PDE1C: variants seen among roughly 807,000 people sequenced by gnomAD.
PDE1C encodes phosphodiesterase 1C, also known as dual specificity calcium/calmodulin-dependent 3',5'-cyclic nucleotide phosphodiesterase 1C.
PDE1C carries 62 observed loss-of-function variants against 93.1 expected under a neutral mutation model. The ratio of observed to expected loss-of-function variants is 0.67; its 90% CI spans 0.54 to 0.82. The LOEUF is 0.82. PDE1C is among the 40% of genes least tolerant of loss of function. PDE1C has a pLI of 0.00. For missense variants in PDE1C, 742 were observed against 884.6 expected, an observed-to-expected ratio of 0.84 and a Z score of 2.04; for synonymous variants, 325 against 310.1, an observed-to-expected ratio of 1.05 and a Z score of -0.50.
At chr7:31,842,092 T>A (rs1434872941) in intron 9 of PDE1C, among the ~76,000 whole-genome samples, 1 of 152,112 alleles carries the variant, frequency 6.6e-6, no homozygotes, top group Non-Finnish European at 1.5e-5. Context: ...AACAACAGAA[T>A]AATGCTTGAC....
chr7:31,649,720 A>G, the PDE1C span, among the ~76,000 whole-genome samples: 2 of 152,168 alleles, frequency 1.3e-5, no homozygotes, highest in Non-Finnish European at 2.9e-5. Context: ...TGGGTCATGG[A>G]TTTCAAAGCA....
At chr7:31,708,897 C>T in the PDE1C span, among the ~76,000 whole-genome samples, 3 of 152,150 alleles carry the variant, frequency 2.0e-5, no homozygotes, top group Admixed American at 2.0e-4. Context: ...TGCTCTGCTC[C>T]CACTTCTGAT....
At chr7:31,879,239 C>G in intron 3 of PDE1C, 61 bp from the exon 4 acceptor site, 1 of 1,504,816 alleles carries the variant, frequency 6.6e-7, no homozygotes, top group African/African-American at 1.4e-5. Context: ...GCTCTCTGTT[C>G]AAAGCAGCTG....
the PDE1C span, chr7:31,651,369 A>G: frequency 7.5e-7 from 1 of 1,339,970 alleles, no homozygotes; most frequent in African/African-American, 1.5e-5. Flanking sequence ...GAGCAGAGCT[A>G]ATGAGAAACC....
intron 3 of PDE1C, among the ~76,000 whole-genome samples, chr7:32,131,434 T>TTGGA (rs1052310066): frequency 2.6e-5 from 4 of 152,094 alleles, no homozygotes; most frequent in African/African-American, 9.7e-5. Context: ...GGTTGATGGG[T>TTGGA]TGGATGGATG....
intron 2 of PDE1C, among the ~76,000 whole-genome samples, chr7:32,027,199 T>C (rs2128626661): frequency 6.6e-6 from 1 of 152,236 alleles, no homozygotes; most frequent in Admixed American, 6.5e-5. Flanking sequence ...GTAGGTTCAT[T>C]GATTGTAACA....
chr7:32,176,637 T>G (rs1356858828), intron 2 of PDE1C, among the ~76,000 whole-genome samples: 1 of 152,214 alleles, frequency 6.6e-6, no homozygotes, highest in African/African-American at 2.4e-5. Flanking sequence ...TTAAATATTT[T>G]ATGAATACAG....
chr7:31,908,339 C>T (rs1339294862), intron 2 of PDE1C, among the ~76,000 whole-genome samples: 1 of 152,070 alleles, frequency 6.6e-6, no homozygotes, highest in Non-Finnish European at 1.5e-5. Flanking sequence ...AATCTCAATG[C>T]CAAGTTTTGA....
the PDE1C span, among the ~76,000 whole-genome samples, chr7:31,695,081 T>C: frequency 6.6e-6 from 1 of 152,132 alleles, no homozygotes; most frequent in Admixed American, 6.5e-5. Flanking sequence ...TACTGGCCCT[T>C]GGGGTCTCCA....
chr7:32,338,117 T>A (rs960348763), intron 1 of PDE1C, among the ~76,000 whole-genome samples: 6 of 152,028 alleles, frequency 3.9e-5, no homozygotes, highest in African/African-American at 1.4e-4. Flanking sequence ...AATGGACAAA[T>A]TGGACTTATC....
At chr7:32,274,687 C>T (rs1242081924) in intron 1 of PDE1C, among the ~76,000 whole-genome samples, 1 of 152,114 alleles carries the variant, frequency 6.6e-6, no homozygotes, top group Non-Finnish European at 1.5e-5. Context: ...CGAGAAACTT[C>T]TGATTGGTAA....
chr7:32,128,039 A>T (rs979259555), intron 3 of PDE1C, among the ~76,000 whole-genome samples: 1 of 152,086 alleles, frequency 6.6e-6, no homozygotes, highest in South Asian at 2.1e-4. Flanking sequence ...ACATACATGG[A>T]TTAGAATTGA....
At chr7:31,979,618 C>T (rs1215449890) in intron 2 of PDE1C, among the ~76,000 whole-genome samples, 1 of 152,096 alleles carries the variant, frequency 6.6e-6, no homozygotes, top group Admixed American at 6.6e-5. Flanking sequence ...GCTCCAGAGC[C>T]CACATATGTA....
chr7:32,247,747 T>A (rs912140036), intron 1 of PDE1C, among the ~76,000 whole-genome samples: 1 of 152,204 alleles, frequency 6.6e-6, no homozygotes, highest in African/African-American at 2.4e-5. Flanking sequence ...CCCAACTATA[T>A]GCTAGTATAA....
At chr7:31,748,117 G>A (rs1009575381), downstream of PDE1C, among the ~76,000 whole-genome samples, 2 of 152,152 alleles carry the variant, frequency 1.3e-5, no homozygotes, top group African/African-American at 4.8e-5. Flanking sequence ...AGTTAGCTTA[G>A]CCTACACCCA....
intron 2 of PDE1C, among the ~76,000 whole-genome samples, chr7:32,188,547 A>T (rs757928123): frequency 7.2e-5 from 11 of 152,082 alleles, no homozygotes; most frequent in Non-Finnish European, 1.0e-4. Context: ...CCTATGTCAC[A>T]TATTTTTATT....
chr7:31,854,836 G>A (rs1192667373), intron 7 of PDE1C, among the ~76,000 whole-genome samples: 1 of 152,120 alleles, frequency 6.6e-6, no homozygotes, highest in African/African-American at 2.4e-5. Flanking sequence ...GGAGGCCAAG[G>A]TGGGTGGATC....
At chr7:31,986,793 T>C (rs914135800) in intron 2 of PDE1C, among the ~76,000 whole-genome samples, 4 of 152,046 alleles carry the variant, frequency 2.6e-5, no homozygotes, top group Non-Finnish European at 5.9e-5. Context: ...CCTCCAGAAC[T>C]GTGAGGGAAA....
chr7:32,229,534 A>C (rs376816383), intron 1 of PDE1C, among the ~76,000 whole-genome samples: 5 of 152,152 alleles, frequency 3.3e-5, no homozygotes, highest in African/African-American at 1.2e-4. Context: ...TTCTTTTTCC[A>C]CTAGACCTTT....
Sources: gnomAD v4.1 joint callset for allele counts (sites outside exome capture counted in the v4.1 genomes callset) on GRCh38, gnomAD v4.1.1 for gene constraint, MANE v1.5 for transcripts, NCBI Gene and HGNC (gene_info 2026-07-23, HGNC 2026-07-21) for gene names.